PAFAH2: variants seen among roughly 807,000 people sequenced by gnomAD.
PAFAH2 encodes platelet activating factor acetylhydrolase 2.
Under a neutral mutation model 49.0 loss-of-function variants are expected in PAFAH2, and 42 were observed. The ratio of observed to expected loss-of-function variants is 0.86; its 90% CI spans 0.67 to 1.11. The LOEUF is 1.11. Ranked by LOEUF, PAFAH2 falls within the 50% of genes least tolerant of loss-of-function variation. The pLI, the probability that PAFAH2 is intolerant of heterozygous loss-of-function variation, is 0.00. For synonymous variants in PAFAH2, 184 were observed against 181.3 expected (o/e 1.01, Z -0.12); for missense variants, 503 against 501.8 (o/e 1.00, Z -0.02).
intron 10 of PAFAH2, among the ~76,000 whole-genome samples, chr1:25,969,171 A>G (rs1429117008): frequency 5.9e-5 from 9 of 152,282 alleles, no homozygotes; most frequent in African/African-American, 2.2e-4. Flanking sequence ...AGCTCCAGAT[A>G]CACTAAACAC....
chr1:25,991,659 G>A (rs957292665), intron 1 of PAFAH2, among the ~76,000 whole-genome samples: 31 of 150,118 alleles, frequency 2.1e-4, no homozygotes, highest in Non-Finnish European at 3.7e-4. Context: ...TTGGGAGGTC[G>A]AGGCGGGCAG....
chr1:25,995,487 G>C (rs1009358103), intron 1 of PAFAH2, among the ~76,000 whole-genome samples: 14 of 152,164 alleles, frequency 9.2e-5, no homozygotes, highest in Non-Finnish European at 2.9e-5. Context: ...GATCAGCAAA[G>C]TTTGAGAACC....
At chr1:25,978,065 C>T (rs1488560671) in intron 7 of PAFAH2, among the ~76,000 whole-genome samples, 1 of 152,170 alleles carries the variant, frequency 6.6e-6, no homozygotes, top group Non-Finnish European at 1.5e-5. Context: ...GGAGGCCTCT[C>T]CAGGCTCTAC....
In PAFAH2 at chr1:25,984,100, C is replaced by T. The variant is rs754399487; in HGVS notation, c.411-13G>A. 3.7e-6 allele frequency: 6 copies of T among 1,613,672 alleles called. No individual in the cohort carries two copies. Among genetic ancestry groups the T allele is most frequent in the Non-Finnish European group, 4.2e-6 (5 of 1,179,822 alleles). ...CGCTGACCGGTCCCTGAAATACACA[C>T]ATCATCAGAGAGAAACCAGAAAACA... is the stretch of plus-strand genomic sequence containing the variant. On this transcript the variant is annotated splice_polypyrimidine_tract_variant and intron_variant, in intron 5 of 10. Coordinates refer to ENST00000374282, the MANE Select transcript of PAFAH2 (RefSeq NM_000437.4).
intron 7 of PAFAH2, among the ~76,000 whole-genome samples, chr1:25,978,722 G>A (rs1230103150): frequency 2.0e-5 from 3 of 152,108 alleles, no homozygotes; most frequent in Non-Finnish European, 4.4e-5. Flanking sequence ...TTTGTGAGAG[G>A]GTAGAGCCAT....
chr1:25,962,552 G>GT (rs1382750799), intron 10 of PAFAH2, among the ~76,000 whole-genome samples: 1 of 152,154 alleles, frequency 6.6e-6, no homozygotes, highest in Non-Finnish European at 1.5e-5. Context: ...GCTGGGCATG[G>GT]TGGCTTATGC....
chr1:25,989,465 A>G lies in PAFAH2; in HGVS notation c.227T>C (p.Leu76Pro). 1 of 1,601,006 alleles carries G rather than the reference A, an allele frequency of 6.2e-7. No individual in the cohort carries two copies. Among genetic ancestry groups the G allele is most frequent in the Non-Finnish European group, 8.5e-7 (1 of 1,173,574 alleles). The change falls in exon 3 of 11, where the codon CTG (leucine) becomes CCG (proline). Residue 76 changes from leucine to proline, a missense_variant. Coordinates refer to ENST00000374282, the MANE Select transcript of PAFAH2 (RefSeq NM_000437.4). ...LQFNKRCGGLLFNLAVGSCRL... is the reference protein window; with the variant it reads ...LQFNKRCGGLPFNLAVGSCRL... ...GCCCTTACCCACCGCCAGGTTGAAC[A>G]GCAAGCCCCCGCAGCGCTTATTAAA...
In PAFAH2 at chr1:25,991,480, C is replaced by T. The variant is rs187574782; in HGVS notation, c.-47-617G>A. ...TTAATTTTTAGTAGAGACGGGGTTT[C>T]GCCATGTTGGCCAGGATGGTCTTGA... On this transcript the variant is annotated intron_variant, in intron 1 of 10. Coordinates refer to ENST00000374282, the MANE Select transcript of PAFAH2 (RefSeq NM_000437.4). Among the ~76,000 whole-genome samples, 383 of 148,390 alleles carry T rather than the reference C, an allele frequency of 2.6e-3. 5 individuals are homozygous for T. The East Asian group carries it at 0.029, about 11-fold the overall frequency.
Position 25,988,269 on chromosome 1 carries a change from G to A in PAFAH2, c.303C>T (p.Tyr101=). ...NGPFKTKDSG[Y]PLIIFSHGLG... is the part of the protein sequence containing the mutation. Reference sequence around the variant, plus strand: ...GGCCATGGGAGAAGATGATCAAGGGGTATCCAGAGTCCTTTGTCTTAAAGG... The same window carrying A: ...GGCCATGGGAGAAGATGATCAAGGGATATCCAGAGTCCTTTGTCTTAAAGG... Residue 101 remains tyrosine, a synonymous_variant, in exon 4 of 11, where the codon TAC becomes TAT. Transcript: ENST00000374282. 6.2e-7 allele frequency: 1 copy of A among 1,609,896 alleles called. No homozygotes were observed. Among genetic ancestry groups the A allele is most frequent in the Non-Finnish European group, 8.5e-7 (1 of 1,178,144 alleles).
In PAFAH2 at chr1:25,988,330, A is replaced by G. The variant is rs2049817687; in HGVS notation, c.245-3T>C. On this transcript the variant is annotated splice_polypyrimidine_tract_variant and splice_region_variant and intron_variant, in intron 3 of 10. Coordinates refer to ENST00000374282, the MANE Select transcript of PAFAH2 (RefSeq NM_000437.4). ...GCTAACAGGCAGGCGACAAGATCCT[A>G]GCAGAGACATGGGCTATAGAATATC... 1.9e-6 allele frequency: 3 copies of G among 1,608,566 alleles called. No individual in the cohort carries two copies. Among genetic ancestry groups the G allele is most frequent in the Non-Finnish European group, 2.6e-6 (3 of 1,176,148 alleles).
chr1:25,960,325 T>G lies in PAFAH2; in HGVS notation c.*1664A>C, dbSNP rs1028087713. ...GTGTAGAGATGCATTTCCCTTTTGC[T>G]CTTACCTACTTGGACTGAGGCACGA... On this transcript the variant is annotated 3_prime_UTR_variant, in exon 11 of 11. Transcript: ENST00000374282. 9.8e-5 allele frequency: 15 copies of G among 152,770 alleles called. No homozygotes were observed. The highest frequency in any genetic ancestry group is 3.4e-4 in the African/African-American group (14 of 41,560). The allele number at this position is 152,770 out of a possible 1,614,324, so 9.5% of individuals were successfully genotyped here. A position where few individuals can be genotyped will look rare whatever the true frequency, so the allele number is the denominator to read the frequency against.
chr1:25,970,883 C>G (rs960253101), intron 10 of PAFAH2, among the ~76,000 whole-genome samples: 3 of 152,144 alleles, frequency 2.0e-5, no homozygotes, highest in Non-Finnish European at 2.9e-5. Flanking sequence ...AGCTACCACA[C>G]CCGGCCAGGG....
intron 1 of PAFAH2, 171 bp from the exon 2 acceptor site, chr1:25,991,034 G>A (rs2124368351): frequency 3.9e-6 from 2 of 508,102 alleles, no homozygotes; most frequent in South Asian, 2.5e-5. Flanking sequence ...TGCCAAGGTT[G>A]GGGGTTGTTT....
intron 7 of PAFAH2, among the ~76,000 whole-genome samples, chr1:25,977,014 CTTTTTTTTTTTT>C (rs201548055): frequency 0.017 from 1,507 of 88,384 alleles, 35 homozygotes; most frequent in African/African-American, 0.06. Flanking sequence ...TTCATGTTTA[CTTTTTTTTTTTT>C]TTTTTTTTTT....
rs913650380 is a variant in PAFAH2 at position 25,960,351 on chromosome 1, A to G, written c.*1638T>C. ...CTTACCTACTTGGACTGAGGCACGA[A>G]GTCTTGAGTAGTGGAGAAGAGAGTT... On this transcript the variant is annotated 3_prime_UTR_variant, in exon 11 of 11. Coordinates refer to ENST00000374282, the MANE Select transcript of PAFAH2 (RefSeq NM_000437.4). The G allele has an allele frequency of 1.3e-5, 2 of 152,648 alleles. No individual in the cohort carries two copies. The highest frequency in any genetic ancestry group is 2.9e-5 in the Non-Finnish European group (2 of 68,056). The allele number at this position is 152,648 out of a possible 1,614,324, so 9.5% of individuals were successfully genotyped here.
At chr1:25,990,488 C>T (rs983163277) in intron 2 of PAFAH2, among the ~76,000 whole-genome samples, 7 of 152,234 alleles carry the variant, frequency 4.6e-5, no homozygotes, top group African/African-American at 1.2e-4. Context: ...AAGCTAGAGT[C>T]CCCCCTTTCC....
chr1:25,994,142 CTTT>C (rs35480896), intron 1 of PAFAH2, among the ~76,000 whole-genome samples: 13 of 135,276 alleles, frequency 9.6e-5, no homozygotes, highest in Non-Finnish European at 1.3e-4. Flanking sequence ...TGGTGCCTAG[CTTT>C]TTTTTTTTTT....
intron 10 of PAFAH2, among the ~76,000 whole-genome samples, chr1:25,970,366 C>T (rs1186528672): frequency 1.3e-5 from 2 of 152,124 alleles, no homozygotes; most frequent in African/African-American, 4.8e-5. Context: ...ACTTGGGAGG[C>T]TGTGGCAGGA....
chr1:25,963,054 C>T (rs1468617544), intron 10 of PAFAH2, among the ~76,000 whole-genome samples: 1 of 152,110 alleles, frequency 6.6e-6, no homozygotes, highest in African/African-American at 2.4e-5. Context: ...CAAGAACAGG[C>T]ACAAAGGGTC....
Sources: allele counts gnomAD v4.1 joint callset (sites outside exome capture counted in the v4.1 genomes callset), GRCh38; gene constraint gnomAD v4.1.1; transcripts MANE v1.5; gene names NCBI Gene and HGNC (gene_info 2026-07-23, HGNC 2026-07-21).